PTGES3: variants seen among roughly 807,000 people sequenced by gnomAD.
PTGES3 encodes the protein prostaglandin E synthase 3.
In PTGES3, 5 loss-of-function variants were observed where a neutral mutation model predicts 29.9. The ratio of observed to expected loss-of-function variants is 0.17; its 90% CI spans 0.09 to 0.35. The LOEUF is 0.35. Ranked by LOEUF, PTGES3 falls within the 10% of genes least tolerant of loss-of-function variation. The probability of loss-of-function intolerance (pLI) is 1.00; values close to 1 mark genes in which losing one functional copy is unlikely to be tolerated. For missense variants in PTGES3, 128 were observed against 190.0 expected (o/e 0.67, Z 1.92); for synonymous variants, 49 against 57.8 (o/e 0.85, Z 0.69).
intron 1 of PTGES3, among the ~76,000 whole-genome samples, chr12:56,680,097 A>G (rs1405185551): frequency 4.2e-5 from 6 of 143,546 alleles, no homozygotes; most frequent in African/African-American, 1.1e-4. Flanking sequence ...TTTTTTTGAG[A>G]AAGTCTTGCT....
At chr12:56,674,122 G>C (rs1238680435) in intron 1 of PTGES3, among the ~76,000 whole-genome samples, 1 of 152,134 alleles carries the variant, frequency 6.6e-6, no homozygotes, top group Non-Finnish European at 1.5e-5. Flanking sequence ...CTAACCCCCA[G>C]TACATCTTAA....
At chr12:56,677,871 TAGTTGTG>T (rs1360153082) in intron 1 of PTGES3, among the ~76,000 whole-genome samples, 1 of 152,172 alleles carries the variant, frequency 6.6e-6, no homozygotes, top group African/African-American at 2.4e-5. Flanking sequence ...TATCCCAAGG[TAGTTGTG>T]AGTTCCTCCA....
intron 1 of PTGES3, among the ~76,000 whole-genome samples, chr12:56,675,004 C>CAGAAAA: frequency 3.1e-5 from 1 of 32,358 alleles, no homozygotes; most frequent in Non-Finnish European, 5.4e-5. Flanking sequence ...AACTCGGTCT[C>CAGAAAA]AAAAAAAAAA....
At chr12:56,669,359 A>AT (rs1047878347) in intron 5 of PTGES3, among the ~76,000 whole-genome samples, 1 of 151,796 alleles carries the variant, frequency 6.6e-6, no homozygotes, top group South Asian at 2.1e-4. Flanking sequence ...CGCCCAGCTA[A>AT]TTTTGTTCAC....
chr12:56,672,892 CAA>C (rs1305768461), intron 2 of PTGES3, 58 bp downstream of exon 2: 16 of 1,550,008 alleles, frequency 1.0e-5, no homozygotes, highest in Non-Finnish European at 1.0e-5. Context: ...ACAAGCCAGT[CAA>C]AGTTATTCAG....
intron 5 of PTGES3, among the ~76,000 whole-genome samples, chr12:56,668,161 T>C (rs1223132632): frequency 4.6e-5 from 7 of 152,330 alleles, no homozygotes; most frequent in South Asian, 4.1e-4. Flanking sequence ...TGAAGTGCTC[T>C]TACCTCAATT....
chr12:56,687,741 A>T, intron 1 of PTGES3: 1 of 1,368,200 alleles, frequency 7.3e-7, no homozygotes. Flanking sequence ...TAACCCAGAC[A>T]GCCAAAGGGG....
At chr12:56,666,792 A>G (rs1951806607) in intron 5 of PTGES3, among the ~76,000 whole-genome samples, 1 of 151,614 alleles carries the variant, frequency 6.6e-6, no homozygotes, top group African/African-American at 2.4e-5. Context: ...ACACCCAACT[A>G]ATTTTTTGTA....
At chr12:56,679,273 G>C (rs1295826478) in intron 1 of PTGES3, among the ~76,000 whole-genome samples, 1 of 151,974 alleles carries the variant, frequency 6.6e-6, no homozygotes, top group Non-Finnish European at 1.5e-5. Context: ...GTTGGGCATG[G>C]TAGCATACCT....
At chr12:56,686,500 G>A (rs868224073) in intron 1 of PTGES3, among the ~76,000 whole-genome samples, 2 of 152,000 alleles carry the variant, frequency 1.3e-5, no homozygotes, top group Middle Eastern at 3.4e-3. Context: ...TCAGCCTCCC[G>A]AGTAGCTGGG....
rs781681539 is a variant in PTGES3 at position 56,688,046 on chromosome 12, G to A, written c.-47C>T. 2.9e-5 allele frequency: 43 copies of A among 1,501,982 alleles called. No homozygotes were observed. In the African/African-American group the frequency reaches 5.5e-4, roughly 19 times the overall value. The allele number at this position is 1,501,982 out of a possible 1,614,324, so 93.0% of individuals were successfully genotyped here. A position where few individuals can be genotyped will look rare whatever the true frequency, so the allele number is the denominator to read the frequency against. On this transcript the variant is annotated 5_prime_UTR_variant, in exon 1 of 8. Transcript: ENST00000262033. ...GGCGAACTGGTGGGCGGGCCTCTCT[G>A]GCGGCGGCTGCTGCTAGGGAGTCGA...
intron 7 of PTGES3, 105 bp from the exon 8 acceptor site, chr12:56,664,603 A>C: frequency 2.9e-6 from 4 of 1,388,768 alleles, no homozygotes; most frequent in Non-Finnish European, 2.0e-6. Flanking sequence ...ATAGTTGCCC[A>C]ATGAATTAAT....
chr12:56,673,484 G>GAAAAAAAAAA (rs758207497), intron 1 of PTGES3, among the ~76,000 whole-genome samples: 2 of 36,848 alleles, frequency 5.4e-5, no homozygotes, highest in African/African-American at 1.2e-4. Context: ...ATACAAATAC[G>GAAAAAAAAAA]GAAAAAAAAA....
chr12:56,684,274 C>T (rs1053210975), intron 1 of PTGES3, among the ~76,000 whole-genome samples: 1 of 152,110 alleles, frequency 6.6e-6, no homozygotes, highest in Admixed American at 6.6e-5. Flanking sequence ...CAATAAAACA[C>T]TGGCTTGCAC....
At chr12:56,671,904 A>C in intron 3 of PTGES3, 57 bp from the exon 4 acceptor site, 2 of 1,075,808 alleles carry the variant, frequency 1.9e-6, no homozygotes, top group Non-Finnish European at 2.6e-6. Flanking sequence ...ACATGATAGA[A>C]AATAGCTTGT....
intron 6 of PTGES3, chr12:56,665,927 GACTGTTATA>G (rs1951766924): frequency 9.4e-7 from 1 of 1,064,152 alleles, no homozygotes; most frequent in African/African-American, 1.7e-5. Flanking sequence ...GGCCTAAACT[GACTGTTATA>G]ATTGAGTACG....
intron 5 of PTGES3, among the ~76,000 whole-genome samples, chr12:56,667,092 G>GT (rs1951820537): frequency 1.3e-5 from 2 of 151,280 alleles, no homozygotes; most frequent in South Asian, 4.2e-4. Context: ...GTTAGTTTTT[G>GT]TATCTTTGGT....
Position 56,688,209 on chromosome 12 carries a change from G to A in PTGES3, c.-210C>T. ...GGAAAGAGCGGCTCCTCCGGTCGGGGAGAAGAGGAAAGTGTAGGAAAAGGG... is the reference window on the plus strand; with the variant it reads ...GGAAAGAGCGGCTCCTCCGGTCGGGAAGAAGAGGAAAGTGTAGGAAAAGGG... On this transcript the variant is annotated 5_prime_UTR_variant, in exon 1 of 8. Transcript: ENST00000262033. 1.1e-6 allele frequency: 1 copy of A among 889,932 alleles called. No homozygotes were observed. The highest frequency in any genetic ancestry group is 1.6e-6 in the Non-Finnish European group (1 of 634,620). The allele number at this position is 889,932 out of a possible 1,614,324, so 55.1% of individuals were successfully genotyped here.
intron 1 of PTGES3, among the ~76,000 whole-genome samples, chr12:56,676,883 T>G (rs986300872): frequency 8.4e-6 from 1 of 118,802 alleles, no homozygotes; most frequent in Non-Finnish European, 1.6e-5. Flanking sequence ...ATCGTGCCAC[T>G]GCACTGCAGC....
Sources: allele counts gnomAD v4.1 joint callset (sites outside exome capture counted in the v4.1 genomes callset), GRCh38; gene constraint gnomAD v4.1.1; transcripts MANE v1.5; gene names NCBI Gene and HGNC (gene_info 2026-07-23, HGNC 2026-07-21).